Variants in PARD3B observed in about 807,000 individuals in gnomAD.
PARD3B encodes partitioning defective 3 homolog B.
PARD3B carries 103 observed loss-of-function variants against 130.2 expected under a neutral mutation model. The ratio of observed to expected loss-of-function variants is 0.79; its 90% CI spans 0.67 to 0.93. PARD3B has a LOEUF of 0.93. Among genes scored for constraint, PARD3B ranks in the 40% least tolerant of loss-of-function variants. PARD3B has a pLI of 0.00. For synonymous variants in PARD3B, 583 were observed against 553.2 expected (o/e 1.05, Z -0.76); for missense variants, 1,609 against 1,499.2 (o/e 1.07, Z -1.21).
At position 204,566,902 on chromosome 2, in the gene PARD3B, G is replaced by A. The variant is rs566166530; in HGVS notation, c.120+20783G>A. Among the ~76,000 whole-genome samples the A allele has an allele frequency of 1.5e-4, 23 of 148,464 alleles. No individual in the cohort carries two copies. The South Asian group carries it at 4.1e-3, about 26-fold the overall frequency. On this transcript the variant is annotated intron_variant, in intron 1 of 22. Coordinates refer to ENST00000406610, the MANE Select transcript of PARD3B (RefSeq NM_001302769.2). ...ACCTCTTTTTTTTTTTTTTTGAGAC[G>A]GAGTCTCGCTCTGTTTCCCAGGCTA...
chr2:204,732,043 A>G (rs1157667225), intron 2 of PARD3B, among the ~76,000 whole-genome samples: 1 of 151,666 alleles, frequency 6.6e-6, no homozygotes, highest in African/African-American at 2.4e-5. Context: ...GAATTTAGCC[A>G]TAACTCACCA....
In PARD3B at chr2:204,678,725, A is replaced by G. The variant is rs1025600114; in HGVS notation, c.121-7456A>G. On this transcript the variant is annotated intron_variant, in intron 1 of 22. Coordinates refer to ENST00000406610, the MANE Select transcript of PARD3B (RefSeq NM_001302769.2). This position sits in a 1 kb window ranked among gnomAD's most constrained non-coding sequence, Gnocchi z 4.2. ...CTGCCAGCTGAGCTCTGAGGTTTAT[A>G]GGAGCACGAGATACGGAGGCTGGGT... Among the ~76,000 whole-genome samples the G allele has an allele frequency of 6.6e-5, 10 of 152,086 alleles. No individual in the cohort carries two copies. Among genetic ancestry groups the G allele is most frequent in the African/African-American group, 2.4e-4 (10 of 41,398 alleles).
At chr2:205,022,612 A>C (rs1460397538) in intron 3 of PARD3B, among the ~76,000 whole-genome samples, 1 of 152,194 alleles carries the variant, frequency 6.6e-6, no homozygotes, top group South Asian at 2.1e-4. Flanking sequence ...AGGTAGATGG[A>C]AGATGAAGAG....
rs2048445555 is a variant in PARD3B, at chr2:205,461,319, A to T, written c.3044+20647A>T. ...TGTGGAAAGGAACTTGGCATGTGTGAAGAAGTGAAAGAAGGTCCTCTTACC... is the reference window on the plus strand; with the variant it reads ...TGTGGAAAGGAACTTGGCATGTGTGTAGAAGTGAAAGAAGGTCCTCTTACC... On this transcript the variant is annotated intron_variant, in intron 20 of 22. Coordinates refer to ENST00000406610, the MANE Select transcript of PARD3B (RefSeq NM_001302769.2). The surrounding 1 kb of genome is among the most constrained non-coding windows in gnomAD (Gnocchi z 4.3). Among the ~76,000 whole-genome samples the T allele has an allele frequency of 6.6e-6, 1 of 152,176 alleles. No individual in the cohort carries two copies. Among genetic ancestry groups the T allele is most frequent in the Non-Finnish European group, 1.5e-5 (1 of 68,038 alleles).
chr2:204,682,306 C>T (rs1368025295), intron 1 of PARD3B, among the ~76,000 whole-genome samples: 1 of 152,110 alleles, frequency 6.6e-6, no homozygotes, highest in Non-Finnish European at 1.5e-5. Flanking sequence ...CTTGGCTTTG[C>T]TGCTTATTCA....
At chr2:204,862,479 AC>A (rs1393432048) in intron 2 of PARD3B, among the ~76,000 whole-genome samples, 1 of 152,188 alleles carries the variant, frequency 6.6e-6, no homozygotes, top group East Asian at 1.9e-4. Flanking sequence ...AGCACTTGAT[AC>A]CCGATTCCAC....
intron 2 of PARD3B, among the ~76,000 whole-genome samples, chr2:204,811,951 G>T (rs193190899): frequency 1.3e-5 from 2 of 152,014 alleles, no homozygotes; most frequent in East Asian, 3.9e-4. Flanking sequence ...TTTAACATAT[G>T]TATATACCCA....
At position 205,525,071 on chromosome 2, in the gene PARD3B, A is replaced by G. The variant is rs2106411982; in HGVS notation, c.3180+25040A>G. Among the ~76,000 whole-genome samples, 1 of 152,336 alleles carries G rather than the reference A, an allele frequency of 6.6e-6. No individual in the cohort carries two copies. Among genetic ancestry groups the G allele is most frequent in the Non-Finnish European group, 1.5e-5 (1 of 68,022 alleles). On this transcript the variant is annotated intron_variant, in intron 21 of 22. Coordinates refer to ENST00000406610, the MANE Select transcript of PARD3B (RefSeq NM_001302769.2). This position sits in a 1 kb window ranked among gnomAD's most constrained non-coding sequence, Gnocchi z 4.2. ...GATGAACCATGGCAAGAACCAGGAC[A>G]GTTTTATTGCCTCACAAAGGCTATT...
At chr2:204,547,325 C>T (rs751991332) in intron 1 of PARD3B, among the ~76,000 whole-genome samples, 11 of 151,982 alleles carry the variant, frequency 7.2e-5, no homozygotes, top group Non-Finnish European at 1.6e-4. Context: ...TTTGGATACT[C>T]AAGAACTGGA....
chr2:205,255,997 T>G (rs934115109), intron 16 of PARD3B, among the ~76,000 whole-genome samples: 3 of 152,134 alleles, frequency 2.0e-5, no homozygotes, highest in Non-Finnish European at 2.9e-5. Context: ...TTGATTCCCT[T>G]GGCAGGCAGC....
chr2:204,877,617 C>A (rs759928122), intron 2 of PARD3B, among the ~76,000 whole-genome samples: 36 of 152,054 alleles, frequency 2.4e-4, no homozygotes, highest in Admixed American at 2.6e-4. Flanking sequence ...GTCCCTCTAC[C>A]AAAGAATTTC....
chr2:204,646,331 G>A lies in PARD3B; in HGVS notation c.121-39850G>A, dbSNP rs150032491. 9.3e-3 allele frequency among the ~76,000 whole-genome samples: 1,412 copies of A among 152,078 alleles called. 8 individuals carry two copies. The highest frequency in any genetic ancestry group is 0.027 in the Middle Eastern group (8 of 294). Reference sequence around the variant, plus strand: ...TCCTTTCTTTTCTTTCCTACCTAATGTAGGACTCTAAACATTCAGTTTAGT... The same window carrying A: ...TCCTTTCTTTTCTTTCCTACCTAATATAGGACTCTAAACATTCAGTTTAGT... On this transcript the variant is annotated intron_variant, in intron 1 of 22. Transcript: ENST00000406610.
In PARD3B at chr2:205,486,255, C is replaced by A. The variant is rs1255143090; in HGVS notation, c.3045-13641C>A. 2.0e-5 allele frequency among the ~76,000 whole-genome samples: 3 copies of A among 152,274 alleles called. No individual in the cohort carries two copies. In the East Asian group the frequency reaches 5.8e-4, roughly 29 times the overall value. On this transcript the variant is annotated intron_variant, in intron 20 of 22. Transcript: ENST00000406610. ...GAGCATGTTTTAAAAACAACTGAAA[C>A]AATCCATAGGAGATGGTAATGTCAG...
At chr2:204,892,275 G>A (rs767856330) in intron 2 of PARD3B, among the ~76,000 whole-genome samples, 23 of 152,184 alleles carry the variant, frequency 1.5e-4, no homozygotes, top group Admixed American at 2.6e-4. Flanking sequence ...AGGTGACTGT[G>A]GAGAGAGTTG....
At chr2:204,648,626 TTATATATAATATATATTATATATATAATA>T (rs1222408472) in intron 1 of PARD3B, among the ~76,000 whole-genome samples, 21 of 120,024 alleles carry the variant, frequency 1.7e-4, no homozygotes, top group Non-Finnish European at 2.8e-4. Flanking sequence ...ATACTATAAT[TTATATATAATATATATTATATATATAATA>T]TATTTATAAT....
At chr2:204,818,831 C>T (rs953526495) in intron 2 of PARD3B, among the ~76,000 whole-genome samples, 21 of 152,052 alleles carry the variant, frequency 1.4e-4, no homozygotes, top group Admixed American at 1.2e-3. Flanking sequence ...TAGTTTAGAA[C>T]GTATGTATTA....
intron 18 of PARD3B, among the ~76,000 whole-genome samples, chr2:205,329,994 AAAATAAATAAAT>A (rs199881710): frequency 1.6e-5 from 1 of 63,018 alleles, no homozygotes; most frequent in East Asian, 3.3e-4. Flanking sequence ...ACGCCGTCTC[AAAATAAATAAAT>A]AAATAAATAA....
chr2:205,293,569 T>TAA (rs1314513216), intron 16 of PARD3B: 2 of 152,010 alleles, frequency 1.3e-5, no homozygotes, highest in African/African-American at 4.8e-5. Context: ...ATTACAAAGA[T>TAA]AAGTTAAGCA....
At chr2:204,575,836 T>A (rs1484111382) in intron 1 of PARD3B, among the ~76,000 whole-genome samples, 1 of 152,226 alleles carries the variant, frequency 6.6e-6, no homozygotes, top group Non-Finnish European at 1.5e-5. Flanking sequence ...GTAGAATCAG[T>A]CTTCACTGTC....
Sources: allele counts gnomAD v4.1 joint callset (sites outside exome capture counted in the v4.1 genomes callset), GRCh38; gene constraint gnomAD v4.1.1; non-coding constraint Gnocchi (gnomAD v3.1); transcripts MANE v1.5; gene names NCBI Gene and HGNC (gene_info 2026-07-23, HGNC 2026-07-21).